Variants in AK9 observed in about 807,000 individuals in gnomAD.
AK9 encodes adenylate kinase domain containing 1.
In AK9, 191 loss-of-function variants were observed where a neutral mutation model predicts 239.6. The observed-to-expected ratio is 0.80, with a 90% CI of 0.71 to 0.90. AK9 has a LOEUF of 0.90. Among genes scored for constraint, AK9 ranks in the 40% least tolerant of loss-of-function variants. AK9 has a pLI of 0.00. For missense variants in AK9, 1,995 were observed against 2,214.7 expected, an observed-to-expected ratio of 0.90 and a Z score of 1.99; for synonymous variants, 689 against 721.0, an observed-to-expected ratio of 0.96 and a Z score of 0.71.
intron 16 of AK9, among the ~76,000 whole-genome samples, chr6:109,611,589 G>A (rs566884786): frequency 3.1e-4 from 47 of 152,222 alleles, no homozygotes; most frequent in African/African-American, 9.1e-4. Context: ...GTGTGCACTC[G>A]CATGCACATG....
intron 17 of AK9, among the ~76,000 whole-genome samples, chr6:109,606,397 C>T (rs1458184786): frequency 1.3e-5 from 2 of 151,908 alleles, no homozygotes; most frequent in African/African-American, 2.4e-5. Context: ...GTACATGGTG[C>T]GAAGTACACA....
chr6:109,538,111 T>A (rs1782285786), intron 27 of AK9, among the ~76,000 whole-genome samples: 3 of 152,324 alleles, frequency 2.0e-5, no homozygotes, highest in African/African-American at 7.2e-5. Context: ...TCTGTAGATG[T>A]CTATTAGGTC....
At chr6:109,524,390 A>G (rs1351401339) in intron 29 of AK9, among the ~76,000 whole-genome samples, 2 of 152,212 alleles carry the variant, frequency 1.3e-5, no homozygotes, top group Non-Finnish European at 2.9e-5. Flanking sequence ...TAAATGAGGC[A>G]GAAAAAATGT....
intron 17 of AK9, among the ~76,000 whole-genome samples, chr6:109,595,832 C>T (rs1311275521): frequency 6.6e-6 from 1 of 152,058 alleles, no homozygotes; most frequent in Non-Finnish European, 1.5e-5. Flanking sequence ...AGGGGAACAT[C>T]ACACACCAGG....
At chr6:109,610,272 A>G in intron 17 of AK9, 93 bp downstream of exon 17, 1 of 1,424,344 alleles carries the variant, frequency 7.0e-7, no homozygotes, top group Non-Finnish European at 9.5e-7. Context: ...TTTCAACATC[A>G]TAAGACTCTA....
At chr6:109,512,133 C>G (rs9320289) in intron 32 of AK9, among the ~76,000 whole-genome samples, 13,070 of 152,072 alleles carry the variant, frequency 0.086, 919 homozygotes, top group African/African-American at 0.19. Flanking sequence ...GTCATAAAGA[C>G]CTTGCTGATA....
chr6:109,653,218 C>T (rs561579429), intron 8 of AK9, among the ~76,000 whole-genome samples: 52 of 152,242 alleles, frequency 3.4e-4, no homozygotes, highest in African/African-American at 1.1e-3. Context: ...TGAGACAACA[C>T]GCCTGGCAAA....
At chr6:109,685,165 G>A (rs1353674080) in intron 1 of AK9, among the ~76,000 whole-genome samples, 3 of 152,126 alleles carry the variant, frequency 2.0e-5, no homozygotes, top group Non-Finnish European at 4.4e-5. Context: ...GTGGAAGACA[G>A]TGTGGCGATT....
Position 109,494,037 on chromosome 6 carries a change from A to G in AK9, c.5477T>C (p.Phe1826Ser). 6.2e-7 allele frequency: 1 copy of G among 1,613,700 alleles called. No homozygotes were observed. Among genetic ancestry groups the G allele is most frequent in the East Asian group, 2.2e-5 (1 of 44,858 alleles). The change falls in exon 40 of 41, where the codon TTC becomes TCC. Residue 1826 changes from phenylalanine to serine, a missense_variant. Around this residue, in one of 5 missense-constraint regions of AK9, gnomAD observed 391 missense variants for 456.0 expected, o/e 0.86. Coordinates refer to ENST00000424296, the MANE Select transcript of AK9 (RefSeq NM_001145128.3). ...AGATCTCCTTATACTTAAAAAGGGG[A>G]ACTTGGGCTTTAAGCATCCCGCTGC... ...MNAAGCLKPK[F>S]PFLSIRRSAL...
chr6:109,648,737 T>A (rs1428453346), intron 8 of AK9, among the ~76,000 whole-genome samples: 1 of 152,152 alleles, frequency 6.6e-6, no homozygotes, highest in African/African-American at 2.4e-5. Context: ...CCTAATTCAT[T>A]TTATGAGGTC....
At chr6:109,548,038 T>C (rs931167452) in intron 25 of AK9, among the ~76,000 whole-genome samples, 1 of 151,788 alleles carries the variant, frequency 6.6e-6, no homozygotes, top group Middle Eastern at 3.4e-3. Flanking sequence ...AGAATGGCTA[T>C]TATCAAAAAG....
chr6:109,512,592 C>T (rs1316735623), intron 32 of AK9, among the ~76,000 whole-genome samples: 1 of 152,166 alleles, frequency 6.6e-6, no homozygotes, highest in Non-Finnish European at 1.5e-5. Flanking sequence ...ATCTGAAGAG[C>T]TGGAACATAA....
chr6:109,564,429 T>A (rs1786202040), intron 22 of AK9, 149 bp from the exon 23 acceptor site: 1 of 606,820 alleles, frequency 1.6e-6, no homozygotes, highest in South Asian at 2.7e-5. Context: ...AAATTCATAA[T>A]TTAATTATGC....
At chr6:109,564,938 T>C in intron 21 of AK9, 93 bp from the exon 22 acceptor site, 1 of 927,384 alleles carries the variant, frequency 1.1e-6, no homozygotes, top group Non-Finnish European at 1.6e-6. Flanking sequence ...AAATATAGCT[T>C]AAATTGTATA....
At chr6:109,536,946 G>T (rs147019307) in intron 27 of AK9, among the ~76,000 whole-genome samples, 2,232 of 152,202 alleles carry the variant, frequency 0.015, 58 homozygotes, top group African/African-American at 0.051. Context: ...GCATCCTAGG[G>T]ATGAAGCCCA....
intron 24 of AK9, among the ~76,000 whole-genome samples, chr6:109,555,705 T>C (rs1784927907): frequency 1.3e-5 from 2 of 152,226 alleles, no homozygotes; most frequent in South Asian, 2.1e-4. Flanking sequence ...ATTGGGTGCA[T>C]ATATGTTCAG....
intron 8 of AK9, among the ~76,000 whole-genome samples, chr6:109,650,256 G>A (rs1583427540): frequency 6.6e-6 from 1 of 151,694 alleles, no homozygotes; most frequent in East Asian, 1.9e-4. Flanking sequence ...AAACTAAAGA[G>A]CTTCTGCACA....
intron 27 of AK9, among the ~76,000 whole-genome samples, chr6:109,536,370 T>C (rs1260626516): frequency 1.3e-5 from 2 of 152,108 alleles, no homozygotes. Flanking sequence ...TTTGAAGCAA[T>C]TGTGAATGGG....
intron 12 of AK9, 134 bp from the exon 13 acceptor site, chr6:109,619,370 T>C: frequency 9.7e-7 from 1 of 1,033,738 alleles, no homozygotes; most frequent in Non-Finnish European, 1.3e-6. Context: ...TTGAGGTATA[T>C]TTGGAGTTAT....
Sources: allele counts gnomAD v4.1 joint callset (sites outside exome capture counted in the v4.1 genomes callset), GRCh38; gene constraint gnomAD v4.1.1; regional missense constraint gnomAD v4.1.1; transcripts MANE v1.5; gene names NCBI Gene and HGNC (gene_info 2026-07-23, HGNC 2026-07-21).